PCCA: variants seen among roughly 807,000 people sequenced by gnomAD.
The protein encoded by PCCA is propionyl-CoA carboxylase alpha chain, mitochondrial.
Under a neutral mutation model 101.3 loss-of-function variants are expected in PCCA, and 74 were observed. The observed-to-expected ratio is 0.73, with a 90% confidence interval of 0.61 to 0.89. PCCA has a LOEUF of 0.89. Ranked by LOEUF, PCCA falls within the 40% of genes least tolerant of loss-of-function variation. The probability of loss-of-function intolerance (pLI) is 0.00; values close to 1 mark genes in which losing one functional copy is unlikely to be tolerated. For missense variants in PCCA, 891 were observed against 907.0 expected (o/e 0.98, Z 0.23); for synonymous variants, 294 against 313.6 (o/e 0.94, Z 0.66).
At chr13:100,257,549 C>A in intron 8 of PCCA, 46 bp from the exon 9 acceptor site, 1 of 1,287,582 alleles carries the variant, frequency 7.8e-7, no homozygotes, top group Non-Finnish European at 1.1e-6. Flanking sequence ...TCATACATCC[C>A]AATGATCAAA....
At chr13:100,371,219 C>G (rs9585423) in intron 19 of PCCA, among the ~76,000 whole-genome samples, 1 of 152,086 alleles carries the variant, frequency 6.6e-6, no homozygotes, top group Non-Finnish European at 1.5e-5. Context: ...CAGATGTATA[C>G]ACCACAATAA....
chr13:100,377,980 C>G (rs1179408262), intron 19 of PCCA, among the ~76,000 whole-genome samples: 1 of 152,070 alleles, frequency 6.6e-6, no homozygotes, highest in Non-Finnish European at 1.5e-5. Context: ...ACATTAGAGT[C>G]TTTTCTGTTC....
intron 22 of PCCA, among the ~76,000 whole-genome samples, chr13:100,523,659 G>A (rs1397201683): frequency 5.3e-5 from 8 of 152,270 alleles, no homozygotes; most frequent in Non-Finnish European, 8.8e-5. Flanking sequence ...AATCGGATGC[G>A]AACGTGAACC....
chr13:100,259,523 C>T (rs969630261), intron 9 of PCCA, among the ~76,000 whole-genome samples: 4 of 151,566 alleles, frequency 2.6e-5, no homozygotes, highest in African/African-American at 9.7e-5. Flanking sequence ...TTAGTAGAGA[C>T]GGGGTTTCAC....
intron 16 of PCCA, among the ~76,000 whole-genome samples, chr13:100,329,166 A>T (rs2069160929): frequency 6.6e-6 from 1 of 152,108 alleles, no homozygotes; most frequent in South Asian, 2.1e-4. Context: ...CATCATTTTA[A>T]TGTACATTTC....
At chr13:100,297,948 G>T (rs1376671647) in intron 12 of PCCA, among the ~76,000 whole-genome samples, 2 of 151,782 alleles carry the variant, frequency 1.3e-5, no homozygotes, top group African/African-American at 2.4e-5. Context: ...ACTTGGTAGG[G>T]CTTACTCCTT....
At chr13:100,217,586 T>TGC (rs1491391954) in intron 7 of PCCA, among the ~76,000 whole-genome samples, 3 of 151,962 alleles carry the variant, frequency 2.0e-5, no homozygotes, top group African/African-American at 7.3e-5. Context: ...TGTGTGTGTG[T>TGC]GGCTGAGTGA....
chr13:100,305,511 C>G (rs2066377159), intron 14 of PCCA, among the ~76,000 whole-genome samples: 1 of 152,148 alleles, frequency 6.6e-6, no homozygotes, highest in African/African-American at 2.4e-5. Context: ...AGTTTTAGAA[C>G]TTGTATCAGT....
intron 19 of PCCA, among the ~76,000 whole-genome samples, chr13:100,391,344 G>C (rs2076791439): frequency 6.6e-6 from 1 of 152,200 alleles, no homozygotes. Context: ...TTATTCACCT[G>C]TGATGGCTGC....
At chr13:100,325,047 T>G (rs984671003) in intron 16 of PCCA, among the ~76,000 whole-genome samples, 1 of 152,186 alleles carries the variant, frequency 6.6e-6, no homozygotes. Context: ...GATTGAGGTC[T>G]GCAGATGTAG....
intron 21 of PCCA, chr13:100,490,860 G>A (rs1254842096): frequency 6.6e-6 from 1 of 152,298 alleles, no homozygotes; most frequent in Non-Finnish European, 1.5e-5. Flanking sequence ...AGGCACTGAG[G>A]GCACTCAGGG....
intron 19 of PCCA, 90 bp from the exon 20 acceptor site, chr13:100,425,543 A>T: frequency 1.1e-6 from 1 of 877,492 alleles, no homozygotes; most frequent in Non-Finnish European, 1.9e-6. Context: ...CCATCTGTTT[A>T]AAATGGCTGC....
At chr13:100,124,392 A>G (rs976655591) in intron 4 of PCCA, among the ~76,000 whole-genome samples, 2 of 152,202 alleles carry the variant, frequency 1.3e-5, no homozygotes, top group African/African-American at 4.8e-5. Flanking sequence ...ACCTAAAATT[A>G]GGGAAGTATT....
intron 5 of PCCA, 77 bp from the exon 6 acceptor site, chr13:100,157,210 A>G: frequency 2.1e-6 from 2 of 942,986 alleles, no homozygotes; most frequent in East Asian, 4.8e-5. Context: ...ATTAATACAT[A>G]AATGCACTGT....
chr13:100,235,677 C>T (rs2060754442), intron 7 of PCCA, among the ~76,000 whole-genome samples, 165 bp from the exon 8 acceptor site: 1 of 152,166 alleles, frequency 6.6e-6, no homozygotes, highest in Non-Finnish European at 1.5e-5. Flanking sequence ...TTACATTCCA[C>T]TTATGGTATT....
chr13:100,377,525 C>T (rs368450284), intron 19 of PCCA, among the ~76,000 whole-genome samples: 3 of 152,054 alleles, frequency 2.0e-5, no homozygotes, highest in East Asian at 1.9e-4. Flanking sequence ...GACAGAGTCT[C>T]GCTCTGTCAC....
intron 22 of PCCA, among the ~76,000 whole-genome samples, chr13:100,525,926 C>T (rs1044186278): frequency 6.6e-6 from 1 of 152,208 alleles, no homozygotes; most frequent in East Asian, 1.9e-4. Flanking sequence ...GATGGCATTT[C>T]TACTATGTTC....
rs1261186941 is a variant in PCCA at position 100,187,579 on chromosome 13, TCAAA to T, written c.469-21750_469-21747del. On this transcript the variant is annotated intron_variant, in intron 6 of 23. Coordinates refer to ENST00000376285, the MANE Select transcript of PCCA (RefSeq NM_000282.4). Reference sequence around the variant, plus strand: ...TTGGATATTTACACATGAGTTAGAGTCAAACAGTGTTTTTATAGCTATATCTTGA... The same window carrying T: ...TTGGATATTTACACATGAGTTAGAGTCAGTGTTTTTATAGCTATATCTTGA... Among the ~76,000 whole-genome samples, 6 of 152,142 alleles carry T rather than the reference TCAAA, an allele frequency of 3.9e-5. No individual in the cohort carries two copies. The South Asian group carries it at 6.2e-4, about 16-fold the overall frequency.
intron 17 of PCCA, among the ~76,000 whole-genome samples, chr13:100,335,575 T>C (rs2070318680): frequency 6.6e-6 from 1 of 152,100 alleles, no homozygotes; most frequent in Non-Finnish European, 1.5e-5. Context: ...CCATATCACT[T>C]CCCTCACTCT....
Sources: allele counts gnomAD v4.1 joint callset (sites outside exome capture counted in the v4.1 genomes callset), GRCh38; gene constraint gnomAD v4.1.1; transcripts MANE v1.5; gene names NCBI Gene and HGNC (gene_info 2026-07-23, HGNC 2026-07-21).